The following ARHGAP15 variants were observed in gnomAD, a reference collection of about 807,000 sequenced individuals.
ARHGAP15 encodes Rho GTPase activating protein 15, also known as rho GTPase-activating protein 15.
A neutral mutation model predicts 63.7 loss-of-function variants in ARHGAP15; 51 were observed. The observed-to-expected ratio is 0.80, with a 90% CI of 0.64 to 1.01. The LOEUF (loss-of-function observed/expected upper bound fraction) is 1.01. Among genes scored for constraint, ARHGAP15 ranks in the 50% least tolerant of loss-of-function variants. The probability of loss-of-function intolerance (pLI) is 0.00; values close to 1 mark genes in which losing one functional copy is unlikely to be tolerated. For missense variants in ARHGAP15, 560 were observed against 564.6 expected, an observed-to-expected ratio of 0.99 and a Z score of 0.08; for synonymous variants, 191 against 193.8, an observed-to-expected ratio of 0.99 and a Z score of 0.12.
intron 11 of ARHGAP15, among the ~76,000 whole-genome samples, chr2:143,608,955 T>C (rs1185940731): frequency 1.3e-5 from 2 of 152,238 alleles, no homozygotes; most frequent in Admixed American, 6.5e-5. Context: ...AAGCAGATGC[T>C]ATCTTTCTTG....
At chr2:143,738,710 T>C (rs1180416359) in intron 13 of ARHGAP15, among the ~76,000 whole-genome samples, 1 of 152,234 alleles carries the variant, frequency 6.6e-6, no homozygotes, top group Non-Finnish European at 1.5e-5. Flanking sequence ...CTTTTCTTAA[T>C]CCATGAATTG....
chr2:143,147,177 A>G (rs929052025), intron 1 of ARHGAP15, among the ~76,000 whole-genome samples: 2 of 152,048 alleles, frequency 1.3e-5, no homozygotes, highest in African/African-American at 4.8e-5. Context: ...CTCTCCCAAC[A>G]AAGATTAGAG....
At chr2:143,730,592 ACAG>A (rs1029411719) in intron 13 of ARHGAP15, among the ~76,000 whole-genome samples, 12 of 152,090 alleles carry the variant, frequency 7.9e-5, no homozygotes, top group African/African-American at 2.4e-4. Context: ...CCACCAAATA[ACAG>A]CAGTACAGCT....
chr2:143,276,002 A>G (rs183437851), intron 6 of ARHGAP15, among the ~76,000 whole-genome samples: 22 of 152,344 alleles, frequency 1.4e-4, no homozygotes, highest in Non-Finnish European at 2.9e-4. Flanking sequence ...AGACAAATCC[A>G]TAAACCCATC....
At chr2:143,369,982 C>G (rs541314505) in intron 6 of ARHGAP15, among the ~76,000 whole-genome samples, 2 of 152,236 alleles carry the variant, frequency 1.3e-5, no homozygotes, top group African/African-American at 4.8e-5. Flanking sequence ...ATGCTCACTT[C>G]CACTGAATTA....
intron 5 of ARHGAP15, among the ~76,000 whole-genome samples, chr2:143,235,561 G>T (rs903921340): frequency 7.9e-5 from 12 of 152,264 alleles, no homozygotes; most frequent in African/African-American, 2.9e-4. Context: ...CTTCATTCTG[G>T]AATAATCTGT....
At chr2:143,164,384 A>G (rs1690419291) in intron 2 of ARHGAP15, among the ~76,000 whole-genome samples, 1 of 152,056 alleles carries the variant, frequency 6.6e-6, no homozygotes, top group South Asian at 2.1e-4. Flanking sequence ...ATGTACAGCA[A>G]TGTGGCAATC....
chr2:143,167,562 T>C (rs1690593762), intron 2 of ARHGAP15, among the ~76,000 whole-genome samples: 1 of 152,124 alleles, frequency 6.6e-6, no homozygotes, highest in African/African-American at 2.4e-5. Context: ...CTGCCCTTTC[T>C]AACTCTGAGC....
chr2:143,524,643 A>C (rs1694188611), intron 10 of ARHGAP15, among the ~76,000 whole-genome samples: 1 of 152,164 alleles, frequency 6.6e-6, no homozygotes, highest in African/African-American at 2.4e-5. Context: ...GAGAAGTTTG[A>C]GAGAATATGA....
In ARHGAP15 at chr2:143,148,051, G is replaced by A. The variant is rs369627091; in HGVS notation, c.-14-7426G>A. Among the ~76,000 whole-genome samples, 11 of 152,028 alleles carry A rather than the reference G, an allele frequency of 7.2e-5. No homozygotes were observed. The East Asian group carries it at 7.8e-4, about 11-fold the overall frequency. The stretch of plus-strand genomic sequence containing the variant: ...CCCAATTCTTTAATAAAAATAACCA[G>A]GTTCTCCTAAGGCAGCCTTAATCAA... On this transcript the variant is annotated intron_variant, in intron 1 of 13. Coordinates refer to ENST00000295095, the MANE Select transcript of ARHGAP15 (RefSeq NM_018460.4).
At chr2:143,151,446 C>A (rs1162045786) in intron 1 of ARHGAP15, among the ~76,000 whole-genome samples, 1 of 151,940 alleles carries the variant, frequency 6.6e-6, no homozygotes, top group Non-Finnish European at 1.5e-5. Flanking sequence ...TAAGATAGTT[C>A]TTTCATGTAG....
intron 9 of ARHGAP15, among the ~76,000 whole-genome samples, chr2:143,490,291 G>A (rs1402586827): frequency 6.6e-6 from 1 of 152,134 alleles, no homozygotes; most frequent in Non-Finnish European, 1.5e-5. Context: ...GAGCCACCAC[G>A]CCCGGCCGGC....
intron 2 of ARHGAP15, among the ~76,000 whole-genome samples, chr2:143,200,139 A>G (rs1361913126): frequency 1.3e-5 from 2 of 152,132 alleles, no homozygotes; most frequent in African/African-American, 4.8e-5. Context: ...CTCAAAGTCA[A>G]GACAGTCCCC....
rs568632910 is a variant in ARHGAP15, at chr2:143,736,903, C to A, written c.1245-31086C>A. On this transcript the variant is annotated intron_variant, in intron 13 of 13. Coordinates refer to ENST00000295095, the MANE Select transcript of ARHGAP15 (RefSeq NM_018460.4). Reference sequence around the variant, plus strand: ...GAGAGTTCACCCAGATCTATCCCTACCCTCAGAGAAAACACTTTAGTAATT... The same window carrying A: ...GAGAGTTCACCCAGATCTATCCCTAACCTCAGAGAAAACACTTTAGTAATT... Among the ~76,000 whole-genome samples, 21 of 152,336 alleles carry A rather than the reference C, an allele frequency of 1.4e-4. 1 individual carries two copies. Among genetic ancestry groups the A allele is most frequent in the Non-Finnish European group, 1.9e-4 (13 of 68,036 alleles).
chr2:143,573,667 C>A (rs550209941), intron 11 of ARHGAP15, among the ~76,000 whole-genome samples: 3 of 152,296 alleles, frequency 2.0e-5, no homozygotes, highest in East Asian at 3.9e-4. Flanking sequence ...GCACAAGGCA[C>A]AAACCCCTTT....
chr2:143,395,273 A>G (rs1016359314), intron 6 of ARHGAP15, among the ~76,000 whole-genome samples: 1 of 152,084 alleles, frequency 6.6e-6, no homozygotes, highest in Non-Finnish European at 1.5e-5. Context: ...TTCAACAAGC[A>G]AGGAGGTGAG....
intron 6 of ARHGAP15, among the ~76,000 whole-genome samples, chr2:143,388,013 A>C (rs762785464): frequency 6.6e-6 from 1 of 152,094 alleles, no homozygotes; most frequent in Non-Finnish European, 1.5e-5. Context: ...AGACTACCTA[A>C]TGCTTTCCCT....
chr2:143,446,738 A>C (rs1690158203), intron 8 of ARHGAP15, among the ~76,000 whole-genome samples: 1 of 149,800 alleles, frequency 6.7e-6, no homozygotes. Context: ...TTAACTCGTC[A>C]TCTAGCATTA....
chr2:143,686,553 A>C (rs1387917079), intron 12 of ARHGAP15, among the ~76,000 whole-genome samples: 2 of 152,114 alleles, frequency 1.3e-5, no homozygotes, highest in Non-Finnish European at 2.9e-5. Flanking sequence ...GTTGGAGATT[A>C]GTATTGTCTT....
Sources: allele counts gnomAD v4.1 joint callset (sites outside exome capture counted in the v4.1 genomes callset), GRCh38; gene constraint gnomAD v4.1.1; transcripts MANE v1.5; gene names NCBI Gene and HGNC (gene_info 2026-07-23, HGNC 2026-07-21).